Variants in GOLGA2 observed in about 807,000 individuals in gnomAD.
GOLGA2 encodes the protein golgin A2.
A neutral mutation model predicts 148.8 loss-of-function variants in GOLGA2; 49 were observed. The ratio of observed to expected loss-of-function variants is 0.33; its 90% CI spans 0.26 to 0.42. GOLGA2 has a LOEUF of 0.42. GOLGA2 is among the 10% of genes least tolerant of loss of function. The pLI, the probability that GOLGA2 is intolerant of heterozygous loss-of-function variation, is 1.00. For missense variants in GOLGA2, 1,178 were observed against 1,304.6 expected (o/e 0.90, Z 1.49); for synonymous variants, 501 against 511.8 (o/e 0.98, Z 0.28).
rs117837222 is a variant in GOLGA2, at chr9:128,260,886, A to G, written c.1421-84T>C. The G allele has an allele frequency of 6.8e-3, 6,645 of 978,378 alleles. 32 individuals carry two copies. Among genetic ancestry groups the G allele is most frequent in the Non-Finnish European group, 9.0e-3 (5,992 of 666,438 alleles). The allele number at this position is 978,378 out of a possible 1,614,324, so 60.6% of individuals were successfully genotyped here. A position where few individuals can be genotyped will look rare whatever the true frequency, so the allele number is the denominator to read the frequency against. On this transcript the variant is annotated intron_variant, in intron 17 of 26. Transcript: ENST00000611957. This position sits in a 1 kb window ranked among gnomAD's most constrained non-coding sequence, Gnocchi z 4.8. ...TCCATACCTCCTCTCAAGCTCCCCA[A>G]ACTTGGCCTCCCTGCTGATGATTCC...
In GOLGA2 at chr9:128,262,549, C is replaced by T; in HGVS notation, c.1134+14G>A. 6.2e-7 allele frequency: 1 copy of T among 1,612,390 alleles called. No individual in the cohort carries two copies. The highest frequency in any genetic ancestry group is 8.5e-7 in the Non-Finnish European group (1 of 1,178,882). On this transcript the variant is annotated intron_variant, in intron 14 of 26. Coordinates refer to ENST00000611957, the MANE Select transcript of GOLGA2 (RefSeq NM_001366244.2). ...GATGGCGCTCCCACCACCCATGGGG[C>T]TGCAGCCTCTTGCCTGTTGAAGCAG...
intron 14 of GOLGA2, 78 bp downstream of exon 14, chr9:128,262,485 C>T: frequency 7.1e-7 from 1 of 1,409,440 alleles, no homozygotes; most frequent in Non-Finnish European, 9.8e-7. Context: ...CTGGAGTCTC[C>T]CCATGCCCTG....
chr9:128,258,715 T>C lies in GOLGA2; in HGVS notation c.2174-145A>G, dbSNP rs1199528909. 1.0e-5 allele frequency: 7 copies of C among 668,992 alleles called. No individual in the cohort carries two copies. The African/African-American group carries it at 1.3e-4, about 12-fold the overall frequency. 41.4% of individuals were successfully genotyped at this position (668,992 alleles called of 1,614,324 possible). ...TGTTCTTTATTTTTATTTTATTCTT[T>C]TTTAAGAGCCAAGGGCTCGCTATGC... On this transcript the variant is annotated intron_variant, in intron 21 of 26. Transcript: ENST00000611957. This position sits in a 1 kb window ranked among gnomAD's most constrained non-coding sequence, Gnocchi z 6.6.
rs764139447 is a variant in GOLGA2 at position 128,257,995 on chromosome 9, G to T, written c.2493C>A (p.Ala831=). 7.5e-6 allele frequency: 12 copies of T among 1,601,980 alleles called. No homozygotes were observed. Among genetic ancestry groups the T allele is most frequent in the Middle Eastern group, 1.7e-4 (1 of 6,032 alleles). Residue 831 remains alanine, a synonymous_variant, in exon 23 of 27, where the codon GCC becomes GCA. Coordinates refer to ENST00000611957, the MANE Select transcript of GOLGA2 (RefSeq NM_001366244.2). The surrounding 1 kb of genome is among the most constrained non-coding windows in gnomAD (Gnocchi z 8.0). ...CGETHRALQG[A]MEKLQSRFME... is the part of the protein sequence containing the mutation. ...ACTCATTCACCTGCAGCTTCTCCAT[G>T]GCCCCCTGCAGGGCCCGGTGGGTCT...
rs563135789 is a variant in GOLGA2 at position 128,265,561 on chromosome 9, G to A, written c.933+24C>T. 2.6e-6 allele frequency: 4 copies of A among 1,520,088 alleles called. 1 individual carries two copies. Among genetic ancestry groups the A allele is most frequent in the Middle Eastern group, 1.7e-4 (1 of 5,894 alleles). The allele number at this position is 1,520,088 out of a possible 1,614,324, so 94.2% of individuals were successfully genotyped here. A position where few individuals can be genotyped will look rare whatever the true frequency, so the allele number is the denominator to read the frequency against. On this transcript the variant is annotated intron_variant, in intron 12 of 26. Coordinates refer to ENST00000611957, the MANE Select transcript of GOLGA2 (RefSeq NM_001366244.2). The stretch of plus-strand genomic sequence containing the variant: ...CATCTGGGAAGCCAGTATGCCAGGG[G>A]ACGGGGCAGGCAGTTGGACTCACCC...
chr9:128,265,138 G>A (rs144329491), intron 12 of GOLGA2, among the ~76,000 whole-genome samples: 37 of 152,320 alleles, frequency 2.4e-4, no homozygotes, highest in Non-Finnish European at 4.4e-4. Context: ...TCTTCCAGCC[G>A]TGCTGTTCCT....
chr9:128,267,353 T>C, intron 7 of GOLGA2, 79 bp from the exon 8 acceptor site: 1 of 1,304,330 alleles, frequency 7.7e-7, no homozygotes, highest in Non-Finnish European at 1.1e-6. Context: ...GGTTGGGGGG[T>C]GTGTGGGCTG....
Position 128,261,314 on chromosome 9 carries a change from C to A in GOLGA2, c.1333-55G>T. ...GGAGAGGGGCTGGTGGCTGGACAGG[C>A]TACCATCTCCCTCTGCCCCCACCGC... On this transcript the variant is annotated intron_variant, in intron 16 of 26. Coordinates refer to ENST00000611957, the MANE Select transcript of GOLGA2 (RefSeq NM_001366244.2). The surrounding 1 kb of genome is among the most constrained non-coding windows in gnomAD (Gnocchi z 5.7). The A allele has an allele frequency of 7.0e-7, 1 of 1,422,140 alleles. No homozygotes were observed. Among genetic ancestry groups the A allele is most frequent in the Non-Finnish European group, 9.9e-7 (1 of 1,005,914 alleles). 88.1% of individuals were successfully genotyped at this position (1,422,140 alleles called of 1,614,324 possible). A position where few individuals can be genotyped will look rare whatever the true frequency, so the allele number is the denominator to read the frequency against.
chr9:128,268,664 G>C (rs1055317895), intron 3 of GOLGA2, 140 bp from the exon 4 acceptor site: 3 of 612,026 alleles, frequency 4.9e-6, no homozygotes, highest in Non-Finnish European at 9.0e-6. Flanking sequence ...CCACTCAGGG[G>C]TGTGGATTGG....
Position 128,263,082 on chromosome 9 carries a change from T to C in GOLGA2, c.944A>G (p.Glu315Gly). The change falls in exon 13 of 27, where the codon GAG becomes GGG. Residue 315 changes from glutamate (E) to glycine (G), a missense_variant. Glu to Gly is a moderately conservative substitution (Grantham distance 98). Coordinates refer to ENST00000611957, the MANE Select transcript of GOLGA2 (RefSeq NM_001366244.2). ...QQKKADRYNKELTKERDALRL... is the reference protein window; with the variant it reads ...QQKKADRYNKGLTKERDALRL... ...GAGGGCGTCTCTCTCTTTGGTTAAC[T>C]CCTTGTTGTACTGTAAATACAGAAA... is the stretch of plus-strand genomic sequence containing the variant. The C allele has an allele frequency of 6.2e-7, 1 of 1,606,794 alleles. No homozygotes were observed. The highest frequency in any genetic ancestry group is 1.3e-5 in the African/African-American group (1 of 74,878).
Position 128,257,159 on chromosome 9 carries a change from G to T in GOLGA2, c.2998C>A (p.Pro1000Thr). 2 of 1,614,160 alleles carry T rather than the reference G, an allele frequency of 1.2e-6. No homozygotes were observed. The highest frequency in any genetic ancestry group is 1.7e-6 in the Non-Finnish European group (2 of 1,180,002). The change falls in exon 27 of 27, where the codon CCC becomes ACC. Residue 1000 changes from proline to threonine, a missense_variant. This residue lies in a region of GOLGA2 where 149 missense variants were observed against 154.9 expected (regional missense o/e 0.96). Coordinates refer to ENST00000611957, the MANE Select transcript of GOLGA2 (RefSeq NM_001366244.2). This position sits in a 1 kb window ranked among gnomAD's most constrained non-coding sequence, Gnocchi z 8.0. ...CTGCCCAAGCCTGGGCGCTCCCGGG[G>T]GTTCTGCATCTCACGAAGCAGCTGC... Reference protein sequence around the residue: ...IMQLLREMQNPRERPGLGSNP... With the variant: ...IMQLLREMQNTRERPGLGSNP...
chr9:128,275,828 C>T, intron 1 of GOLGA2, 65 bp downstream of exon 1: 1 of 858,676 alleles, frequency 1.2e-6, no homozygotes, highest in Non-Finnish European at 1.9e-6. Context: ...GAGACTCTGG[C>T]CATGGTCCTG....
rs760719951 is a variant in GOLGA2, at chr9:128,261,233, T to C, written c.1359A>G (p.Glu453=). 13 of 1,613,896 alleles carry C rather than the reference T, an allele frequency of 8.1e-6. No individual in the cohort carries two copies. The highest frequency in any genetic ancestry group is 8.0e-5 in the African/African-American group (6 of 75,014). The change falls in exon 17 of 27, where the codon GAA becomes GAG. Residue 453 remains glutamate, a synonymous_variant. Coordinates refer to ENST00000611957, the MANE Select transcript of GOLGA2 (RefSeq NM_001366244.2). This position sits in a 1 kb window ranked among gnomAD's most constrained non-coding sequence, Gnocchi z 5.7. ...EQVHTLREEK[E]CSMSRVQELE... is the part of the protein sequence containing the mutation. ...GCTCCTGTACCCGACTCATGCTACA[T>C]TCCTTCTCCTCTCTCAATGTGTGCA...
chr9:128,268,478 A>C lies in GOLGA2; in HGVS notation c.335T>G (p.Val112Gly). The C allele has an allele frequency of 6.2e-7, 1 of 1,612,236 alleles. No homozygotes were observed. Among genetic ancestry groups the C allele is most frequent in the Non-Finnish European group, 8.5e-7 (1 of 1,178,934 alleles). Reference sequence around the variant, plus strand: ...AGGGGAAGGGACACCGCCAGGTAACACGGTGTCATCAGATGGTTGTAGAGT... The same window carrying C: ...AGGGGAAGGGACACCGCCAGGTAACCCGGTGTCATCAGATGGTTGTAGAGT... ...AATLQPSDDT[V>G]LPGGVPSPGA... The change falls in exon 4 of 27, where the codon GTG becomes GGG. Residue 112 changes from valine (V) to glycine (G), a missense_variant. Physicochemically the swap from Val to Gly is moderately radical, Grantham distance 109. Around this residue, in one of 5 missense-constraint regions of GOLGA2, gnomAD observed 158 missense variants for 156.6 expected, o/e 1.01. Coordinates refer to ENST00000611957, the MANE Select transcript of GOLGA2 (RefSeq NM_001366244.2).
chr9:128,273,899 C>T lies in GOLGA2; in HGVS notation c.158G>A (p.Gly53Asp), dbSNP rs145089041. 8 of 1,613,802 alleles carry T rather than the reference C, an allele frequency of 5.0e-6. No individual in the cohort carries two copies. In the African/African-American group the frequency reaches 1.1e-4, roughly 22 times the overall value. Residue 53 changes from glycine to aspartate, a missense_variant, in exon 2 of 27, where the codon GGC becomes GAC. Physicochemically the swap from Gly to Asp is moderately conservative, Grantham distance 94 (BLOSUM62 -1). Coordinates refer to ENST00000611957, the MANE Select transcript of GOLGA2 (RefSeq NM_001366244.2). ...GAKKKKKIKN[G>D]SNPETTTSGG... ...AGAAGTGGTTGTCTCAGGGTTACTG[C>T]CATTTTTTATTTTCTTCTTCTTTTT...
chr9:128,260,869 T>G lies in GOLGA2; in HGVS notation c.1421-67A>C. On this transcript the variant is annotated intron_variant, in intron 17 of 26. Coordinates refer to ENST00000611957, the MANE Select transcript of GOLGA2 (RefSeq NM_001366244.2). This position sits in a 1 kb window ranked among gnomAD's most constrained non-coding sequence, Gnocchi z 4.8. ...AAAAACCCTCCTCTTGGTCCATACC[T>G]CCTCTCAAGCTCCCCAAACTTGGCC... is the stretch of plus-strand genomic sequence containing the variant. 12 of 1,120,806 alleles carry G rather than the reference T, an allele frequency of 1.1e-5. No individual in the cohort carries two copies. Among genetic ancestry groups the G allele is most frequent in the Non-Finnish European group, 1.5e-5 (12 of 790,544 alleles). 69.4% of individuals were successfully genotyped at this position (1,120,806 alleles called of 1,614,324 possible).
chr9:128,258,252 AG>A lies in GOLGA2; in HGVS notation c.2290-55del. 7.2e-7 allele frequency: 1 copy of A among 1,379,690 alleles called. No individual in the cohort carries two copies. The highest frequency in any genetic ancestry group is 1.0e-6 in the Non-Finnish European group (1 of 1,000,804). The allele number at this position is 1,379,690 out of a possible 1,614,324, so 85.5% of individuals were successfully genotyped here. A position where few individuals can be genotyped will look rare whatever the true frequency, so the allele number is the denominator to read the frequency against. On this transcript the variant is annotated intron_variant, in intron 22 of 26. Transcript: ENST00000611957. The surrounding 1 kb of genome is among the most constrained non-coding windows in gnomAD (Gnocchi z 6.6). Reference sequence around the variant, plus strand: ...GGAGGATATATAGGATGAACAGGGCAGGGAGGTAGAGAGCAGCCCTTCCCTT... The same window carrying A: ...GGAGGATATATAGGATGAACAGGGCAGGAGGTAGAGAGCAGCCCTTCCCTT...
chr9:128,266,140 A>G lies in GOLGA2; in HGVS notation c.682-120T>C. 4.4e-6 allele frequency: 6 copies of G among 1,372,676 alleles called. No homozygotes were observed. The highest frequency in any genetic ancestry group is 6.2e-6 in the Non-Finnish European group (6 of 960,488). The allele number at this position is 1,372,676 out of a possible 1,614,324, so 85.0% of individuals were successfully genotyped here. A position where few individuals can be genotyped will look rare whatever the true frequency, so the allele number is the denominator to read the frequency against. The stretch of plus-strand genomic sequence containing the variant: ...GGCCCACCCATGGGACCAGGTTATC[A>G]GGGACCCTGTGGGGATGGGGTGGAA... On this transcript the variant is annotated intron_variant, in intron 9 of 26. Transcript: ENST00000611957. The surrounding 1 kb of genome is among the most constrained non-coding windows in gnomAD (Gnocchi z 4.2).
Position 128,261,627 on chromosome 9 carries a change from G to T in GOLGA2, c.1224+41C>A. On this transcript the variant is annotated intron_variant, in intron 15 of 26. Transcript: ENST00000611957. The surrounding 1 kb of genome is among the most constrained non-coding windows in gnomAD (Gnocchi z 5.7). The stretch of plus-strand genomic sequence containing the variant: ...GTTGTCACCTACTCCTGGCCACCTG[G>T]GGTCATCTTCCTTCTACATCCCTCC... 6.5e-7 allele frequency: 1 copy of T among 1,526,848 alleles called. No individual in the cohort carries two copies. The highest frequency in any genetic ancestry group is 9.1e-7 in the Non-Finnish European group (1 of 1,100,350). The allele number at this position is 1,526,848 out of a possible 1,614,324, so 94.6% of individuals were successfully genotyped here.
Sources: allele counts gnomAD v4.1 joint callset (sites outside exome capture counted in the v4.1 genomes callset), GRCh38; gene constraint gnomAD v4.1.1; regional missense constraint gnomAD v4.1.1; non-coding constraint Gnocchi (gnomAD v3.1); transcripts MANE v1.5; gene names NCBI Gene and HGNC (gene_info 2026-07-23, HGNC 2026-07-21).